RAPGEFL1: variants seen among roughly 807,000 people sequenced by gnomAD.
RAPGEFL1 encodes the protein Rap guanine nucleotide exchange factor like 1.
In RAPGEFL1, 31 loss-of-function variants were observed where a neutral mutation model predicts 64.4. That is an observed-to-expected ratio of 0.48 (90% CI 0.36 to 0.65). The LOEUF (loss-of-function observed/expected upper bound fraction) is 0.65. Ranked by LOEUF, RAPGEFL1 falls within the 30% of genes least tolerant of loss-of-function variation. The pLI is 0.00. For synonymous variants in RAPGEFL1, 331 were observed against 274.1 expected, an observed-to-expected ratio of 1.21 and a Z score of -2.05; for missense variants, 682 against 677.4, an observed-to-expected ratio of 1.01 and a Z score of -0.08.
intron 1 of RAPGEFL1, among the ~76,000 whole-genome samples, chr17:40,179,985 C>T (rs977835956): frequency 3.9e-5 from 6 of 152,220 alleles, no homozygotes; most frequent in Non-Finnish European, 7.3e-5. Flanking sequence ...GTCTCTATGA[C>T]ACATTCCCTA....
Position 40,189,262 on chromosome 17 carries a change from TTTC to T in RAPGEFL1, c.1002_1004del (p.Ser335del). On this transcript the variant is annotated inframe_deletion, in exon 6 of 15. Transcript: ENST00000620260. ...TCTTATGTGACCATACGCAGCCGCC[TTTC>T]AGCATCTGTGCAGGACATTCTGGGC... 1 of 1,614,140 alleles carries T rather than the reference TTTC, an allele frequency of 6.2e-7. No individual in the cohort carries two copies. Among genetic ancestry groups the T allele is most frequent in the Non-Finnish European group, 8.5e-7 (1 of 1,179,986 alleles).
chr17:40,187,912 CTTT>C (rs1004508368), intron 4 of RAPGEFL1, among the ~76,000 whole-genome samples: 1 of 125,154 alleles, frequency 8.0e-6, no homozygotes, highest in African/African-American at 3.1e-5. Context: ...CGCGCCTGGC[CTTT>C]TTTTTTTTTT....
At chr17:40,185,683 G>C (rs113286899) in intron 4 of RAPGEFL1, among the ~76,000 whole-genome samples, 12,348 of 151,014 alleles carry the variant, frequency 0.082, 1,213 homozygotes, top group African/African-American at 0.23. Context: ...ACTTGGGAGG[G>C]TGAGGCAGAA....
Position 40,189,370 on chromosome 17 carries a change from C to G in RAPGEFL1, c.1109C>G (p.Ser370Cys). ...DSLILVAVSS[S>C]GEKVLLQPTE... Reference sequence around the variant, plus strand: ...CTCATCCTGGTAGCTGTGTCCTCCTCTGGAGGTGAGGGTCAGGAAGAACTG... The same window carrying G: ...CTCATCCTGGTAGCTGTGTCCTCCTGTGGAGGTGAGGGTCAGGAAGAACTG... Residue 370 changes from serine (S) to cysteine (C), a missense_variant, in exon 6 of 15, where the codon TCT (serine) becomes TGT (cysteine). Transcript: ENST00000620260. 1.2e-6 allele frequency: 2 copies of G among 1,614,026 alleles called. 1 individual carries two copies. The highest frequency in any genetic ancestry group is 2.2e-5 in the South Asian group (2 of 91,054).
At chr17:40,177,075 GC>G (rs1468567645), upstream of RAPGEFL1, 4 of 702,262 alleles carry the variant, frequency 5.7e-6, no homozygotes, top group Non-Finnish European at 1.0e-5. Flanking sequence ...CACCCAAGAG[GC>G]CTTCCCAGCT....
chr17:40,183,984 C>T (rs150794284), intron 2 of RAPGEFL1, among the ~76,000 whole-genome samples: 2,286 of 151,838 alleles, frequency 0.015, 80 homozygotes, highest in African/African-American at 0.052. Flanking sequence ...GCTGGGATTA[C>T]AGGTGCACAC....
Position 40,177,682 on chromosome 17 carries a change from G to A in RAPGEFL1, c.-180G>A. ...CTCCTTTCCTCTGGCACCTCCCCCG[G>A]CTACTGGCCACTGGACTCTGGCCAG... is the stretch of plus-strand genomic sequence containing the variant. On this transcript the variant is annotated 5_prime_UTR_variant, in exon 1 of 15. Transcript: ENST00000620260. 2.4e-6 allele frequency: 1 copy of A among 412,806 alleles called. No homozygotes were observed. Among genetic ancestry groups the A allele is most frequent in the Non-Finnish European group, 4.2e-6 (1 of 237,958 alleles). 25.6% of individuals were successfully genotyped at this position (412,806 alleles called of 1,614,324 possible). A position where few individuals can be genotyped will look rare whatever the true frequency, so the allele number is the denominator to read the frequency against.
upstream of RAPGEFL1, chr17:40,177,152 G>T (rs1281250878): frequency 1.4e-6 from 1 of 702,496 alleles, no homozygotes; most frequent in East Asian, 2.7e-5. Context: ...ACACTCTTGG[G>T]TTCAGCAATC....
intron 2 of RAPGEFL1, among the ~76,000 whole-genome samples, chr17:40,182,667 A>G (rs780869571): frequency 6.6e-6 from 1 of 152,230 alleles, no homozygotes; most frequent in Non-Finnish European, 1.5e-5. Context: ...TTATTGCTCT[A>G]AAACATCTGG....
At position 40,194,661 on chromosome 17, in the gene RAPGEFL1, A is replaced by G. The variant is rs1990402805; in HGVS notation, c.*873A>G. On this transcript the variant is annotated 3_prime_UTR_variant, in exon 15 of 15. Transcript: ENST00000620260. ...CCCCTGCCTTGCAGTGGGCTCGGGT[A>G]GAGCAGTATCAGGAGCTAGGGTTGT... 1 of 152,656 alleles carries G rather than the reference A, an allele frequency of 6.6e-6. No individual in the cohort carries two copies. Among genetic ancestry groups the G allele is most frequent in the South Asian group, 2.1e-4 (1 of 4,836 alleles). 9.5% of individuals were successfully genotyped at this position (152,656 alleles called of 1,614,324 possible). A position where few individuals can be genotyped will look rare whatever the true frequency, so the allele number is the denominator to read the frequency against.
At chr17:40,192,093 C>A in intron 10 of RAPGEFL1, 120 bp from the exon 11 acceptor site, 3 of 894,740 alleles carry the variant, frequency 3.4e-6, no homozygotes, top group South Asian at 2.9e-5. Flanking sequence ...ACCAGCTTCC[C>A]AGCCCCCTAC....
chr17:40,193,567 A>G (rs745750442), intron 14 of RAPGEFL1, 97 bp from the exon 15 acceptor site: 2 of 1,598,380 alleles, frequency 1.3e-6, no homozygotes, highest in South Asian at 1.1e-5. Context: ...CCTGCCCAAC[A>G]TCTGTCTCAG....
chr17:40,189,421 C>A, intron 6 of RAPGEFL1, 46 bp downstream of exon 6: 1 of 1,601,160 alleles, frequency 6.2e-7, no homozygotes. Context: ...AGGAGAAACT[C>A]ACAAGCTCAG....
In RAPGEFL1 at chr17:40,190,689, A is replaced by C; in HGVS notation, c.1262A>C (p.His421Pro). The stretch of plus-strand genomic sequence containing the variant: ...GTCTCCCCTGGAGACACAGAGATCC[A>C]CCGAGTGGAGCCTGAGGACGTTGCC... ...IQVSPGDTEI[H>P]RVEPEDVANH... Residue 421 changes from histidine to proline, a missense_variant, in exon 8 of 15, where the codon CAC becomes CCC. His to Pro is a moderately conservative substitution (Grantham distance 77). Coordinates refer to ENST00000620260, the MANE Select transcript of RAPGEFL1 (RefSeq NM_016339.6). 2 of 1,614,190 alleles carry C rather than the reference A, an allele frequency of 1.2e-6. No homozygotes were observed. The highest frequency in any genetic ancestry group is 2.2e-5 in the South Asian group (2 of 91,088).
intron 4 of RAPGEFL1, among the ~76,000 whole-genome samples, chr17:40,188,060 G>A (rs927793929): frequency 1.3e-5 from 2 of 151,502 alleles, no homozygotes; most frequent in Non-Finnish European, 2.9e-5. Context: ...GATTACAGGT[G>A]CACGCCACTA....
At chr17:40,185,540 A>T (rs59671278) in intron 4 of RAPGEFL1, among the ~76,000 whole-genome samples, 5,583 of 147,384 alleles carry the variant, frequency 0.038, 227 homozygotes, top group African/African-American at 0.086. Flanking sequence ...AAAAAAAAAA[A>T]GGCTGTGTGC....
intron 4 of RAPGEFL1, chr17:40,188,634 G>A (rs1200530743): frequency 9.0e-6 from 5 of 553,604 alleles, no homozygotes; most frequent in Non-Finnish European, 1.6e-5. Flanking sequence ...CCTTCCTGGT[G>A]GGTGGGGTGG....
chr17:40,185,084 G>T (rs1230954541), intron 4 of RAPGEFL1, among the ~76,000 whole-genome samples: 21 of 152,016 alleles, frequency 1.4e-4, no homozygotes, highest in Admixed American at 1.4e-3. Context: ...CTTCCAATAT[G>T]GTTTTATTTC....
At chr17:40,182,976 C>G (rs981493716) in intron 2 of RAPGEFL1, among the ~76,000 whole-genome samples, 1 of 151,958 alleles carries the variant, frequency 6.6e-6, no homozygotes, top group Non-Finnish European at 1.5e-5. Flanking sequence ...GGTGAAACTC[C>G]GTCTCTACTA....
Sources: allele counts gnomAD v4.1 joint callset (sites outside exome capture counted in the v4.1 genomes callset), GRCh38; gene constraint gnomAD v4.1.1; transcripts MANE v1.5; gene names NCBI Gene and HGNC (gene_info 2026-07-23, HGNC 2026-07-21).